Variants in SUCLG2 observed in about 807,000 individuals in gnomAD.
The protein encoded by SUCLG2 is succinate-CoA ligase GDP-forming subunit beta.
In SUCLG2, 42 loss-of-function variants were observed where a neutral mutation model predicts 47.9. That is an observed-to-expected ratio of 0.88 (90% CI 0.69 to 1.14). The LOEUF (loss-of-function observed/expected upper bound fraction) is 1.14, where lower values mean the gene tolerates loss of function less well. Ranked by LOEUF, SUCLG2 falls within the 50% of genes most tolerant of loss-of-function variation. The pLI is 0.00. For synonymous variants in SUCLG2, 195 were observed against 197.3 expected, an observed-to-expected ratio of 0.99 and a Z score of 0.10; for missense variants, 571 against 525.9, an observed-to-expected ratio of 1.09 and a Z score of -0.84.
chr3:67,370,071 C>A (rs966481723), downstream of SUCLG2, among the ~76,000 whole-genome samples: 3 of 151,912 alleles, frequency 2.0e-5, no homozygotes, highest in East Asian at 3.9e-4. Context: ...TCAATGTATG[C>A]GAATATTTTA....
intron 9 of SUCLG2, among the ~76,000 whole-genome samples, chr3:67,488,279 A>C (rs1436797155): frequency 6.6e-6 from 1 of 152,150 alleles, no homozygotes; most frequent in East Asian, 1.9e-4. Flanking sequence ...AAGTCGAGCC[A>C]ATTTCTTAGG....
chr3:67,650,077 GC>G (rs1231607881), intron 1 of SUCLG2, among the ~76,000 whole-genome samples: 1 of 152,174 alleles, frequency 6.6e-6, no homozygotes, highest in Non-Finnish European at 1.5e-5. Flanking sequence ...CAATAGTTTA[GC>G]ATCTAAATTA....
chr3:67,624,475 A>G (rs1053812740), intron 1 of SUCLG2, among the ~76,000 whole-genome samples: 2 of 151,704 alleles, frequency 1.3e-5, no homozygotes, highest in Non-Finnish European at 2.9e-5. Context: ...CATTGCAGAG[A>G]GCACCCTTTC....
intron 9 of SUCLG2, among the ~76,000 whole-genome samples, chr3:67,418,513 G>C (rs1057129844): frequency 6.6e-6 from 1 of 152,142 alleles, no homozygotes; most frequent in Non-Finnish European, 1.5e-5. Context: ...TGAACAGTAA[G>C]GCAACTTCCT....
chr3:67,641,711 G>A (rs752104126), intron 1 of SUCLG2, among the ~76,000 whole-genome samples: 7 of 152,114 alleles, frequency 4.6e-5, no homozygotes, highest in African/African-American at 7.2e-5. Flanking sequence ...CACATACTGG[G>A]TATCCTAGGA....
At chr3:67,408,759 T>G (rs1236717925) in intron 9 of SUCLG2, 6 of 1,344,566 alleles carry the variant, frequency 4.5e-6, no homozygotes, top group Non-Finnish European at 5.7e-6. Flanking sequence ...TTTTCCTAGG[T>G]GCTAAAATTA....
Position 67,387,052 on chromosome 3 carries a change from A to C in SUCLG2, c.1184-11193T>G, listed in dbSNP as rs142257069. On this transcript the variant is annotated intron_variant, in intron 10 of 10. Transcript: ENST00000307227. ...CCTTCCCTGAGACTGTCTGCCTCAC[A>C]TGTTTAGATCTGCACAATATGGACT... 4.7e-3 allele frequency among the ~76,000 whole-genome samples: 713 copies of C among 152,194 alleles called. 9 individuals carry two copies. The highest frequency in any genetic ancestry group is 0.016 in the African/African-American group (652 of 41,512).
In SUCLG2 at chr3:67,498,447, A is replaced by G. The variant is rs1705409658; in HGVS notation, c.758-152T>C. 4 of 780,582 alleles carry G rather than the reference A, an allele frequency of 5.1e-6. No homozygotes were observed. In the South Asian group the frequency reaches 8.3e-5, roughly 16 times the overall value. The allele number at this position is 780,582 out of a possible 1,614,324, so 48.4% of individuals were successfully genotyped here. ...AGGAGAGGCTGCTTTGGCTTTCTTG[A>G]CCTTTAAATTTTAGGGTTTGGTCCC... is the stretch of plus-strand genomic sequence containing the variant. On this transcript the variant is annotated intron_variant, in intron 7 of 10. Transcript: ENST00000307227.
chr3:67,483,841 A>T (rs1039631223), intron 9 of SUCLG2, among the ~76,000 whole-genome samples: 1 of 152,128 alleles, frequency 6.6e-6, no homozygotes, highest in Non-Finnish European at 1.5e-5. Context: ...CTTGCTGTGG[A>T]ATGAATCTTG....
At chr3:67,585,038 C>T (rs1707980674) in intron 2 of SUCLG2, among the ~76,000 whole-genome samples, 1 of 152,176 alleles carries the variant, frequency 6.6e-6, no homozygotes, top group African/African-American at 2.4e-5. Flanking sequence ...GAAGGATATA[C>T]TTGAAATGGG....
chr3:67,448,114 T>TA (rs1703970515), intron 9 of SUCLG2, among the ~76,000 whole-genome samples: 1 of 152,042 alleles, frequency 6.6e-6, no homozygotes, highest in Admixed American at 6.5e-5. Context: ...TTATCAGAAA[T>TA]ACAAAAGTTC....
chr3:67,584,260 TC>T (rs1337164921), intron 2 of SUCLG2, among the ~76,000 whole-genome samples: 9 of 152,204 alleles, frequency 5.9e-5, no homozygotes, highest in African/African-American at 2.2e-4. Context: ...TGAAGTAACC[TC>T]AAAAATATGA....
rs367973205 is a variant in SUCLG2, at chr3:67,543,802, TAA to T, written c.227-14618_227-14617del. Among the ~76,000 whole-genome samples, 676 of 151,678 alleles carry T rather than the reference TAA, an allele frequency of 4.5e-3. 8 individuals carry two copies. The East Asian group carries it at 0.054, about 12-fold the overall frequency. ...ATTTTGCAATTATGTGTCAGAAAAA[TAA>T]AAAGAGTTTAAAAGCTGTGAATTAA... On this transcript the variant is annotated intron_variant, in intron 2 of 10. Coordinates refer to ENST00000307227, the MANE Select transcript of SUCLG2 (RefSeq NM_003848.4).
chr3:67,634,871 T>C (rs1050752694), intron 1 of SUCLG2, among the ~76,000 whole-genome samples: 1 of 152,208 alleles, frequency 6.6e-6, no homozygotes, highest in Non-Finnish European at 1.5e-5. Flanking sequence ...CGTGTGTATA[T>C]GTCATACTAA....
chr3:67,498,091 A>G (rs376853640), intron 8 of SUCLG2, 43 bp downstream of exon 8: 121 of 1,561,238 alleles, frequency 7.8e-5, no homozygotes, highest in Middle Eastern at 2.3e-4. Context: ...CCTAAATTCT[A>G]TAAGAATCCA....
At chr3:67,519,882 A>G (rs1379876366) in intron 5 of SUCLG2, among the ~76,000 whole-genome samples, 1 of 152,180 alleles carries the variant, frequency 6.6e-6, no homozygotes, top group Admixed American at 6.5e-5. Flanking sequence ...CTGATTTAAA[A>G]ATGAGGTTTG....
intron 6 of SUCLG2, among the ~76,000 whole-genome samples, chr3:67,510,889 C>CTTTTTTT (rs369542916): frequency 1.6e-5 from 2 of 124,158 alleles, no homozygotes; most frequent in Non-Finnish European, 3.4e-5. Flanking sequence ...TTAAATTGTT[C>CTTTTTTT]TTTTTTTTTT....
chr3:67,366,868 T>C (rs1482909815), intron 10 of SUCLG2, among the ~76,000 whole-genome samples: 3 of 152,212 alleles, frequency 2.0e-5, no homozygotes, highest in Non-Finnish European at 4.4e-5. Flanking sequence ...CAATGCCTTT[T>C]TCTAAGTAGC....
chr3:67,604,486 T>G (rs912343727), intron 2 of SUCLG2, among the ~76,000 whole-genome samples: 1 of 152,240 alleles, frequency 6.6e-6, no homozygotes, highest in Non-Finnish European at 1.5e-5. Context: ...ATCATCTTTG[T>G]CATTTAGCTC....
Sources: allele counts gnomAD v4.1 joint callset (sites outside exome capture counted in the v4.1 genomes callset), GRCh38; gene constraint gnomAD v4.1.1; transcripts MANE v1.5; gene names NCBI Gene and HGNC (gene_info 2026-07-23, HGNC 2026-07-21).